MACC1: variants seen among roughly 807,000 people sequenced by gnomAD.
The protein encoded by MACC1 is metastasis-associated in colon cancer protein 1.
Under a neutral mutation model 70.7 loss-of-function variants are expected in MACC1, and 79 were observed. The observed-to-expected ratio is 1.12, with a 90% confidence interval of 0.93 to 1.35. The LOEUF (loss-of-function observed/expected upper bound fraction) is 1.35, where lower values mean the gene tolerates loss of function less well. MACC1 is among the 40% of genes most tolerant of loss of function. MACC1 has a pLI of 0.00. For synonymous variants in MACC1, 361 were observed against 347.2 expected, an observed-to-expected ratio of 1.04 and a Z score of -0.44; for missense variants, 1,106 against 978.1, an observed-to-expected ratio of 1.13 and a Z score of -1.74.
intron 1 of MACC1, among the ~76,000 whole-genome samples, chr7:20,214,569 G>A (rs922047350): frequency 6.6e-6 from 1 of 152,010 alleles, no homozygotes; most frequent in African/African-American, 2.4e-5. Flanking sequence ...GATATCTATT[G>A]TAATAAATAG....
rs999815609 is a variant in MACC1 at position 20,170,747 on chromosome 7, T to G, written c.-186A>C. 6 of 152,220 alleles carry G rather than the reference T, an allele frequency of 3.9e-5. No individual in the cohort carries two copies. Among genetic ancestry groups the G allele is most frequent in the Admixed American group, 6.5e-5 (1 of 15,288 alleles). 9.4% of individuals were successfully genotyped at this position (152,220 alleles called of 1,614,324 possible). The stretch of plus-strand genomic sequence containing the variant: ...TTGGTTTGAACTTCAAACACTGATG[T>G]GAATCATTTGCATATCATCTGACAA... On this transcript the variant is annotated 5_prime_UTR_variant, in exon 2 of 7. Coordinates refer to ENST00000400331, the MANE Select transcript of MACC1 (RefSeq NM_182762.4).
chr7:20,155,899 G>A (rs1204119363), intron 5 of MACC1, among the ~76,000 whole-genome samples: 3 of 152,156 alleles, frequency 2.0e-5, no homozygotes, highest in Non-Finnish European at 4.4e-5. Context: ...TGTACTTGGA[G>A]CCATAAAACC....
chr7:20,168,922 G>A (rs1185894678), intron 2 of MACC1, among the ~76,000 whole-genome samples: 3 of 152,152 alleles, frequency 2.0e-5, no homozygotes, highest in Non-Finnish European at 4.4e-5. Context: ...TAGGAGTCAC[G>A]TTCTCTTGTG....
intron 6 of MACC1, among the ~76,000 whole-genome samples, chr7:20,153,107 T>G (rs1217891119): frequency 6.6e-6 from 1 of 152,208 alleles, no homozygotes; most frequent in African/African-American, 2.4e-5. Flanking sequence ...GGGAAAGACA[T>G]CCTCAGTCCC....
chr7:20,214,245 C>T (rs1476673150), intron 1 of MACC1, among the ~76,000 whole-genome samples: 1 of 152,128 alleles, frequency 6.6e-6, no homozygotes, highest in African/African-American at 2.4e-5. Flanking sequence ...GCTTCCACAA[C>T]CAACCTTATT....
chr7:20,191,501 G>C (rs1782672137), intron 1 of MACC1, among the ~76,000 whole-genome samples: 1 of 152,182 alleles, frequency 6.6e-6, no homozygotes, highest in Admixed American at 6.5e-5. Flanking sequence ...TGTAGGAGTT[G>C]GTGCTATCAG....
intron 1 of MACC1, among the ~76,000 whole-genome samples, chr7:20,201,821 CATT>C (rs1562601557): frequency 6.6e-6 from 1 of 152,148 alleles, no homozygotes; most frequent in African/African-American, 2.4e-5. Context: ...CCTTAGATTC[CATT>C]TTTGAGATTC....
intron 3 of MACC1, 71 bp downstream of exon 3, chr7:20,164,185 C>G (rs1467189917): frequency 1.3e-5 from 2 of 152,430 alleles, no homozygotes; most frequent in African/African-American, 2.4e-5. Flanking sequence ...GATTTGCCCA[C>G]CTTGGCCTAC....
rs1363404479 is a variant in MACC1, at chr7:20,158,848, G to GA, written c.1512dup (p.Pro505SerfsTer2). 2 of 1,613,656 alleles carry GA rather than the reference G, an allele frequency of 1.2e-6. No individual in the cohort carries two copies. Among genetic ancestry groups the GA allele is most frequent in the Non-Finnish European group, 1.7e-6 (2 of 1,179,692 alleles). On this transcript the variant is annotated frameshift_variant, in exon 5 of 7. Transcript: ENST00000400331. LOFTEE classifies it high-confidence loss of function. ...CTTTTTAGGTTTGGGGTTGGATCAG[G>GA]AGTAGTGATAGAGAACTGTGCAACT...
chr7:20,158,613 TC>T lies in MACC1; in HGVS notation c.1747del (p.Glu583LysfsTer4). ...FKGDTIALLGEGKVKAIGQSK... is the reference protein window; with the variant it reads ...FKGDTIALLGXGKVKAIGQSK... Reference sequence around the variant, plus strand: ...CTGACCAATAGCTTTTACCTTACCTTCCCCGAGGAGAGCTATTGTGTCCCCT... The same window carrying T: ...CTGACCAATAGCTTTTACCTTACCTTCCCGAGGAGAGCTATTGTGTCCCCT... On this transcript the variant is annotated frameshift_variant, in exon 5 of 7. Coordinates refer to ENST00000400331, the MANE Select transcript of MACC1 (RefSeq NM_182762.4). LOFTEE classifies it high-confidence loss of function. The T allele has an allele frequency of 6.2e-7, 1 of 1,614,024 alleles. No individual in the cohort carries two copies. The highest frequency in any genetic ancestry group is 8.5e-7 in the Non-Finnish European group (1 of 1,179,952).
chr7:20,196,230 G>A (rs191039212), intron 1 of MACC1, among the ~76,000 whole-genome samples: 242 of 152,030 alleles, frequency 1.6e-3, no homozygotes, highest in Middle Eastern at 3.4e-3. Context: ...TCCCAGGCTG[G>A]AGTGCAGTGG....
At chr7:20,193,014 T>C (rs1782695671) in intron 1 of MACC1, among the ~76,000 whole-genome samples, 1 of 152,230 alleles carries the variant, frequency 6.6e-6, no homozygotes, top group African/African-American at 2.4e-5. Flanking sequence ...TTTCATATTA[T>C]TTTTCTTAAG....
chr7:20,198,613 C>G (rs1473414363), intron 1 of MACC1: 1 of 152,212 alleles, frequency 6.6e-6, no homozygotes, highest in Non-Finnish European at 1.5e-5. Context: ...GTCCAAGCCT[C>G]CATTCTGGAG....
chr7:20,167,602 T>G (rs1782239542), intron 2 of MACC1, among the ~76,000 whole-genome samples: 1 of 151,280 alleles, frequency 6.6e-6, no homozygotes, highest in South Asian at 2.1e-4. Context: ...TTAAGGATAC[T>G]AGATACTAGC....
At chr7:20,192,886 C>G (rs1482768379) in intron 1 of MACC1, among the ~76,000 whole-genome samples, 4 of 152,184 alleles carry the variant, frequency 2.6e-5, no homozygotes, top group African/African-American at 7.2e-5. Context: ...TTGAAAAGTA[C>G]TACAGGATTT....
chr7:20,206,240 C>T (rs17142576), intron 1 of MACC1, among the ~76,000 whole-genome samples: 1,774 of 151,952 alleles, frequency 0.012, 34 homozygotes, highest in African/African-American at 0.04. Context: ...TCATTCTGCC[C>T]ATAGTGAGGA....
At chr7:20,185,068 T>G (rs1444023449) in intron 1 of MACC1, 1 of 152,156 alleles carries the variant, frequency 6.6e-6, no homozygotes, top group African/African-American at 2.4e-5. Context: ...ACGCCATTAC[T>G]TTTCAATCTC....
intron 1 of MACC1, among the ~76,000 whole-genome samples, chr7:20,177,724 T>C (rs77937748): frequency 7.2e-5 from 2 of 27,840 alleles, no homozygotes; most frequent in African/African-American, 6.6e-4. Context: ...GCCTTTGTTG[T>C]TTTTTTTTTT....
Position 20,140,902 on chromosome 7 carries a change from C to CACA in MACC1, c.*43_*44insTGT. On this transcript the variant is annotated 3_prime_UTR_variant, in exon 7 of 7. Coordinates refer to ENST00000400331, the MANE Select transcript of MACC1 (RefSeq NM_182762.4). Reference sequence around the variant, plus strand: ...ACACACAGACACACACACACACACACCATTACCTCATTTTCCCTCCCATCA... The same window carrying CACA: ...ACACACAGACACACACACACACACACACACATTACCTCATTTTCCCTCCCATCA... 1.8e-5 allele frequency: 26 copies of CACA among 1,461,926 alleles called. No homozygotes were observed. The highest frequency in any genetic ancestry group is 2.5e-5 in the South Asian group (2 of 81,182). The allele number at this position is 1,461,926 out of a possible 1,614,324, so 90.6% of individuals were successfully genotyped here. A position where few individuals can be genotyped will look rare whatever the true frequency, so the allele number is the denominator to read the frequency against.
Sources: allele counts gnomAD v4.1 joint callset (sites outside exome capture counted in the v4.1 genomes callset), GRCh38; gene constraint gnomAD v4.1.1; transcripts MANE v1.5; gene names NCBI Gene and HGNC (gene_info 2026-07-23, HGNC 2026-07-21).